Variants in NUP98 observed in about 807,000 individuals in gnomAD.
NUP98 encodes nuclear pore complex protein Nup98-Nup96.
A neutral mutation model predicts 191.9 loss-of-function variants in NUP98; 26 were observed. The ratio of observed to expected loss-of-function variants is 0.14; its 90% CI spans 0.10 to 0.19. The LOEUF is 0.19. NUP98 is among the 10% of genes least tolerant of loss of function. The probability of loss-of-function intolerance (pLI) is 1.00; values close to 1 mark genes in which losing one functional copy is unlikely to be tolerated. For missense variants in NUP98, 1,941 were observed against 2,178.8 expected (o/e 0.89, Z 2.17); for synonymous variants, 808 against 778.4 (o/e 1.04, Z -0.63).
chr11:3,711,045 C>A (rs915542902), intron 20 of NUP98, among the ~76,000 whole-genome samples: 3 of 151,978 alleles, frequency 2.0e-5, no homozygotes, highest in Non-Finnish European at 4.4e-5. Flanking sequence ...TTCAAGACAA[C>A]ATGAGTTGAG....
chr11:3,685,765 A>T (rs2134027886), intron 29 of NUP98, among the ~76,000 whole-genome samples: 1 of 152,366 alleles, frequency 6.6e-6, no homozygotes, highest in South Asian at 2.1e-4. Context: ...TTGGCACTTA[A>T]TCAAAGGAAG....
intron 9 of NUP98, among the ~76,000 whole-genome samples, chr11:3,762,172 C>T (rs555379518): frequency 2.0e-5 from 3 of 152,004 alleles, no homozygotes; most frequent in South Asian, 2.1e-4. Flanking sequence ...TGCAATAGCG[C>T]GATCTCGGGT....
At chr11:3,679,506 G>A (rs762719540) in intron 31 of NUP98, 48 bp downstream of exon 31, 1 of 1,606,462 alleles carries the variant, frequency 6.2e-7, no homozygotes, top group South Asian at 1.1e-5. Context: ...GAAGATTTAA[G>A]GGCCTGAGAA....
intron 29 of NUP98, among the ~76,000 whole-genome samples, chr11:3,684,508 G>A (rs2078078095): frequency 6.6e-6 from 1 of 151,920 alleles, no homozygotes; most frequent in African/African-American, 2.4e-5. Context: ...CTTCTCCATA[G>A]TCAACTCCGA....
chr11:3,725,679 T>C, intron 14 of NUP98, among the ~76,000 whole-genome samples: 1 of 152,242 alleles, frequency 6.6e-6, no homozygotes, highest in East Asian at 1.9e-4. Context: ...CTAAAAAGTT[T>C]TTTCTTTTTA....
intron 4 of NUP98, 139 bp downstream of exon 4, chr11:3,778,734 T>C (rs1221771734): frequency 7.8e-6 from 6 of 771,418 alleles, no homozygotes; most frequent in South Asian, 5.2e-5. Context: ...TCAGTACATA[T>C]TGAAGTTTTC....
rs967477669 is a variant in NUP98 at position 3,797,484 on chromosome 11, C to T, written c.-113G>A. ...GAGCAGCGCGCGGCCCCCACGAAAC[C>T]GTCGCCGCCGCCGCTACCACCCCTG... On this transcript the variant is annotated 5_prime_UTR_variant, in exon 1 of 33. Coordinates refer to ENST00000324932, the MANE Select transcript of NUP98 (RefSeq NM_016320.5). 39 of 433,086 alleles carry T rather than the reference C, an allele frequency of 9.0e-5. No homozygotes were observed. The highest frequency in any genetic ancestry group is 4.4e-4 in the Admixed American group (10 of 22,866). 26.8% of individuals were successfully genotyped at this position (433,086 alleles called of 1,614,324 possible).
At position 3,778,899 on chromosome 11, in the gene NUP98, G is replaced by C; in HGVS notation, c.329C>G (p.Ala110Gly). 6.2e-7 allele frequency: 1 copy of C among 1,614,156 alleles called. No homozygotes were observed. The highest frequency in any genetic ancestry group is 1.3e-5 in the African/African-American group (1 of 75,032). Residue 110 changes from alanine (A) to glycine (G), a missense_variant, in exon 4 of 33, where the codon GCA (alanine) becomes GGA (glycine). Coordinates refer to ENST00000324932, the MANE Select transcript of NUP98 (RefSeq NM_016320.5). The stretch of plus-strand genomic sequence containing the variant: ...GCCAAAGCCAGTTGGTTTATTTTGT[G>C]CAAAGGCATTGTTTTGGGATGAGAA... Reference protein sequence around the residue: ...SLFSSQNNAFAQNKPTGFGNF... With the variant: ...SLFSSQNNAFGQNKPTGFGNF...
intron 15 of NUP98, 21 bp from the exon 16 acceptor site, chr11:3,723,476 T>C: frequency 6.2e-7 from 1 of 1,601,368 alleles, no homozygotes; most frequent in African/African-American, 1.3e-5. Flanking sequence ...AAAGAAATAA[T>C]ACCTTAGCCT....
In NUP98 at chr11:3,723,397, A is replaced by C. The variant is rs1337359676; in HGVS notation, c.1906T>G (p.Ser636Ala). ...TTAGTATAAAAATGTGAAACAAGGG[A>C]ATCTTCATCTCCATCCTGCTGGTGA... ...ENHQQDGDED[S>A]LVSHFYTNPI... The change falls in exon 16 of 33, where the codon TCC becomes GCC. Residue 636 changes from serine to alanine, a missense_variant. By Grantham distance (99) the Ser-to-Ala change is moderately conservative (BLOSUM62 1). Transcript: ENST00000324932. 6.2e-7 allele frequency: 1 copy of C among 1,614,148 alleles called. No homozygotes were observed. Among genetic ancestry groups the C allele is most frequent in the Non-Finnish European group, 8.5e-7 (1 of 1,180,020 alleles).
intron 12 of NUP98, among the ~76,000 whole-genome samples, 196 bp downstream of exon 12, chr11:3,744,313 G>A (rs1421166051): frequency 6.6e-6 from 1 of 152,176 alleles, no homozygotes; most frequent in Non-Finnish European, 1.5e-5. Flanking sequence ...TGGTTTCTTT[G>A]ACAGAGGAGG....
Position 3,797,546 on chromosome 11 carries a change from C to T in NUP98, c.-175G>A, listed in dbSNP as rs1043673626. 3 of 479,866 alleles carry T rather than the reference C, an allele frequency of 6.3e-6. No individual in the cohort carries two copies. Among genetic ancestry groups the T allele is most frequent in the African/African-American group, 2.0e-5 (1 of 48,944 alleles). The allele number at this position is 479,866 out of a possible 1,614,324, so 29.7% of individuals were successfully genotyped here. ...CGCTTCGGGCGCAGCGCGCAGAGGG[C>T]CCGACTGCGTCACACGCCGCCCGGC... On this transcript the variant is annotated 5_prime_UTR_variant, in exon 1 of 33. Transcript: ENST00000324932.
chr11:3,778,967 T>C lies in NUP98; in HGVS notation c.261A>G (p.Thr87=), dbSNP rs201999358. ...TGFGFGTSTG[T]ANTLFGTAST... is the part of the protein sequence containing the mutation. ...TTGCAGTTCCAAACAAGGTATTTGC[T>C]GTTCCTGTTGACGTACCAAACCCAA... The change falls in exon 4 of 33, where the codon ACA becomes ACG. Residue 87 remains threonine (T), a synonymous_variant. Coordinates refer to ENST00000324932, the MANE Select transcript of NUP98 (RefSeq NM_016320.5). 52 of 1,614,114 alleles carry C rather than the reference T, an allele frequency of 3.2e-5. No homozygotes were observed. Among genetic ancestry groups the C allele is most frequent in the Non-Finnish European group, 4.3e-5 (51 of 1,180,056 alleles).
intron 13 of NUP98, among the ~76,000 whole-genome samples, chr11:3,734,976 C>A (rs1435882257): frequency 6.6e-6 from 1 of 152,204 alleles, no homozygotes; most frequent in Non-Finnish European, 1.5e-5. Context: ...AAACCCTCAG[C>A]ATTGATCTTC....
intron 25 of NUP98, among the ~76,000 whole-genome samples, chr11:3,696,046 C>A (rs778856961): frequency 3.3e-5 from 5 of 152,028 alleles, no homozygotes; most frequent in Admixed American, 6.6e-5. Context: ...ACAAAAATCA[C>A]CGGGCGTGCT....
chr11:3,691,589 T>G, intron 27 of NUP98, 100 bp from the exon 28 acceptor site: 1 of 1,187,476 alleles, frequency 8.4e-7, no homozygotes, highest in South Asian at 1.5e-5. Context: ...AGTCTCACTC[T>G]GTCACCCAGG....
intron 15 of NUP98, among the ~76,000 whole-genome samples, chr11:3,724,202 C>T (rs905791977): frequency 1.3e-5 from 2 of 151,768 alleles, no homozygotes; most frequent in Admixed American, 1.3e-4. Flanking sequence ...GAGGCCGAGG[C>T]GGGTGGATCG....
chr11:3,739,277 T>C (rs1204146592), intron 12 of NUP98, among the ~76,000 whole-genome samples: 1 of 151,700 alleles, frequency 6.6e-6, no homozygotes, highest in Non-Finnish European at 1.5e-5. Flanking sequence ...TGAGACAGAG[T>C]CTTGCTGTGT....
At chr11:3,724,158 G>T (rs1187107206) in intron 15 of NUP98, among the ~76,000 whole-genome samples, 1 of 152,034 alleles carries the variant, frequency 6.6e-6, no homozygotes, top group Non-Finnish European at 1.5e-5. Flanking sequence ...TCGGCTGGGT[G>T]TGGTGGATAA....
Sources: allele counts gnomAD v4.1 joint callset (sites outside exome capture counted in the v4.1 genomes callset), GRCh38; gene constraint gnomAD v4.1.1; transcripts MANE v1.5; gene names NCBI Gene and HGNC (gene_info 2026-07-23, HGNC 2026-07-21).